The following DNAH12 variants were observed in gnomAD, a reference collection of about 807,000 sequenced individuals.
DNAH12 encodes the protein dynein axonemal heavy chain 12.
DNAH12 carries 285 observed loss-of-function variants against 371.5 expected under a neutral mutation model. The ratio of observed to expected loss-of-function variants is 0.77; its 90% CI spans 0.70 to 0.85. The LOEUF is 0.85. DNAH12 is among the 40% of genes least tolerant of loss of function. The pLI is 0.00. For synonymous variants in DNAH12, 1,200 were observed against 1,213.0 expected (o/e 0.99, Z 0.22); for missense variants, 3,611 against 3,689.4 (o/e 0.98, Z 0.55).
In DNAH12 at chr3:57,470,428, A is replaced by T. The variant is rs753601316; in HGVS notation, c.2105+15T>A. The T allele has an allele frequency of 6.7e-7, 1 of 1,493,922 alleles. No homozygotes were observed. The highest frequency in any genetic ancestry group is 1.4e-5 in the African/African-American group (1 of 70,114). The allele number at this position is 1,493,922 out of a possible 1,614,324, so 92.5% of individuals were successfully genotyped here. A position where few individuals can be genotyped will look rare whatever the true frequency, so the allele number is the denominator to read the frequency against. On this transcript the variant is annotated intron_variant, in intron 16 of 73. Coordinates refer to ENST00000495027, the MANE Select transcript of DNAH12 (RefSeq NM_001366028.2). Reference sequence around the variant, plus strand: ...CTATCATTTGCTTGATTTTTATTACATTACCAGCAATTACCGTTTTTCTGA... The same window carrying T: ...CTATCATTTGCTTGATTTTTATTACTTTACCAGCAATTACCGTTTTTCTGA...
chr3:57,311,406 G>A (rs1052757218), intron 66 of DNAH12, among the ~76,000 whole-genome samples: 1 of 152,124 alleles, frequency 6.6e-6, no homozygotes, highest in African/African-American at 2.4e-5. Flanking sequence ...TTGCTTGTCT[G>A]TGTCTCTAAT....
chr3:57,349,712 C>G (rs150286380), intron 60 of DNAH12, among the ~76,000 whole-genome samples: 1 of 152,102 alleles, frequency 6.6e-6, no homozygotes. Context: ...TATTTTGAGA[C>G]GGAGTCCCAC....
At chr3:57,324,079 A>G (rs1029479575) in intron 62 of DNAH12, among the ~76,000 whole-genome samples, 1 of 152,182 alleles carries the variant, frequency 6.6e-6, no homozygotes, top group African/African-American at 2.4e-5. Context: ...TGCCTTCAAC[A>G]ATTTCTTCTC....
chr3:57,522,424 G>A (rs908226373), intron 4 of DNAH12, among the ~76,000 whole-genome samples: 1 of 152,002 alleles, frequency 6.6e-6, no homozygotes, highest in Non-Finnish European at 1.5e-5. Flanking sequence ...AAATACATTT[G>A]GCAATTTGTA....
chr3:57,397,145 C>G (rs1160516211), intron 43 of DNAH12, among the ~76,000 whole-genome samples: 1 of 152,152 alleles, frequency 6.6e-6, no homozygotes, highest in East Asian at 1.9e-4. Context: ...AATGAAAAAT[C>G]TAGAAAGTGA....
At chr3:57,345,822 A>G (rs1195930844) in intron 60 of DNAH12, among the ~76,000 whole-genome samples, 4 of 152,190 alleles carry the variant, frequency 2.6e-5, no homozygotes, top group African/African-American at 7.2e-5. Flanking sequence ...ATAGACTAGT[A>G]TCTACATATA....
intron 55 of DNAH12, among the ~76,000 whole-genome samples, chr3:57,369,145 G>T (rs913342236): frequency 6.7e-6 from 1 of 149,874 alleles, no homozygotes; most frequent in African/African-American, 2.5e-5. Flanking sequence ...GCTTAAACCC[G>T]GGAGGTAGAG....
chr3:57,477,949 G>T (rs962265018), intron 13 of DNAH12, among the ~76,000 whole-genome samples: 4 of 152,072 alleles, frequency 2.6e-5, no homozygotes, highest in African/African-American at 9.7e-5. Flanking sequence ...AAGACCAAAG[G>T]TAGATAAAAC....
intron 13 of DNAH12, among the ~76,000 whole-genome samples, chr3:57,482,931 G>T (rs2066796732): frequency 8.2e-6 from 1 of 122,272 alleles, no homozygotes; most frequent in South Asian, 3.3e-4. Flanking sequence ...GTGGGGTGGG[G>T]GGAGGGGGGA....
At chr3:57,383,116 C>T (rs1165120188) in intron 49 of DNAH12, among the ~76,000 whole-genome samples, 12 of 152,300 alleles carry the variant, frequency 7.9e-5, no homozygotes, top group African/African-American at 2.6e-4. Flanking sequence ...CTCAGAGAGA[C>T]AGCTGCTCTA....
At chr3:57,348,669 T>C (rs782796043) in intron 60 of DNAH12, among the ~76,000 whole-genome samples, 2 of 152,126 alleles carry the variant, frequency 1.3e-5, no homozygotes, top group Non-Finnish European at 2.9e-5. Context: ...AAAAAAAGGA[T>C]GGGCAAGATA....
rs2153390833 is a variant in DNAH12 at position 57,502,625 on chromosome 3, C to T, written c.1087-146G>A. 3.8e-6 allele frequency: 3 copies of T among 782,930 alleles called. No individual in the cohort carries two copies. The South Asian group carries it at 5.9e-5, about 15-fold the overall frequency. The allele number at this position is 782,930 out of a possible 1,614,324, so 48.5% of individuals were successfully genotyped here. On this transcript the variant is annotated intron_variant, in intron 9 of 73. Transcript: ENST00000495027. ...AGCGCATTGGTGCGATCTCGGCTCA[C>T]TGCAACCTCCGCCTCCCAGGTTCAA...
intron 69 of DNAH12, among the ~76,000 whole-genome samples, chr3:57,305,173 G>A (rs1056347177): frequency 5.3e-5 from 8 of 152,138 alleles, no homozygotes; most frequent in South Asian, 2.1e-4. Context: ...GGTGCCTGAC[G>A]TCCAGGCATT....
chr3:57,325,246 C>A (rs902272938), intron 62 of DNAH12, among the ~76,000 whole-genome samples: 1 of 152,234 alleles, frequency 6.6e-6, no homozygotes, highest in African/African-American at 2.4e-5. Flanking sequence ...AGCTGGAGAT[C>A]TGAGAACGGG....
chr3:57,474,282 T>C, intron 13 of DNAH12, among the ~76,000 whole-genome samples: 1 of 152,318 alleles, frequency 6.6e-6, no homozygotes, highest in South Asian at 2.1e-4. Context: ...ATTTAAAATA[T>C]ATAAAAATAT....
rs775684649 is a variant in DNAH12 at position 57,433,667 on chromosome 3, T to G, written c.4817A>C (p.Gln1606Pro). Residue 1606 changes from glutamine (Q) to proline (P), a missense_variant, in exon 31 of 74, where the codon CAG becomes CCG. Coordinates refer to ENST00000495027, the MANE Select transcript of DNAH12 (RefSeq NM_001366028.2). Reference sequence around the variant, plus strand: ...TACCTCATGAGACACTGGGTCAAACTGTCCAAAAAGTTGGCCCATAGTAAT... The same window carrying G: ...TACCTCATGAGACACTGGGTCAAACGGTCCAAAAAGTTGGCCCATAGTAAT... ...KSITMGQLFG[Q>P]FDPVSHEWTD... The G allele has an allele frequency of 6.5e-7, 1 of 1,549,880 alleles. No homozygotes were observed. Among genetic ancestry groups the G allele is most frequent in the Non-Finnish European group, 8.7e-7 (1 of 1,146,684 alleles).
intron 60 of DNAH12, among the ~76,000 whole-genome samples, chr3:57,343,054 AGAGT>A (rs1231774971): frequency 6.6e-6 from 1 of 151,668 alleles, no homozygotes; most frequent in African/African-American, 2.4e-5. Flanking sequence ...CCTGGGTGAC[AGAGT>A]GAGACTCTGT....
chr3:57,453,934 C>T (rs6806248), intron 23 of DNAH12, among the ~76,000 whole-genome samples: 95,785 of 151,780 alleles, frequency 0.63, 30,458 homozygotes, highest in South Asian at 0.73. Flanking sequence ...GCAGAGAGAC[C>T]CCTGTCTCTA....
In DNAH12 at chr3:57,309,729, CTGTT is replaced by C. The variant is rs766112827; in HGVS notation, c.11018_11021del (p.Lys3673ArgfsTer13). The C allele has an allele frequency of 6.4e-7, 1 of 1,550,656 alleles. No homozygotes were observed. Among genetic ancestry groups the C allele is most frequent in the Non-Finnish European group, 8.7e-7 (1 of 1,146,610 alleles). On this transcript the variant is annotated frameshift_variant, in exon 68 of 74. Coordinates refer to ENST00000495027, the MANE Select transcript of DNAH12 (RefSeq NM_001366028.2). LOFTEE classifies it high-confidence loss of function. The stretch of plus-strand genomic sequence containing the variant: ...GATCAGTACTTCCTGAGGCTCCTGT[CTGTT>C]TGGAGCCTCCCTGGGTGAGGAGCAA...
Sources: allele counts gnomAD v4.1 joint callset (sites outside exome capture counted in the v4.1 genomes callset), GRCh38; gene constraint gnomAD v4.1.1; transcripts MANE v1.5; gene names NCBI Gene and HGNC (gene_info 2026-07-23, HGNC 2026-07-21).